The following THADA variants were observed in gnomAD, a reference collection of about 807,000 sequenced individuals.
The protein encoded by THADA is tRNA (32-2'-O)-methyltransferase regulator THADA.
In THADA, 213 loss-of-function variants were observed where a neutral mutation model predicts 219.8. The observed-to-expected ratio is 0.97, with a 90% CI of 0.87 to 1.09. THADA has a LOEUF of 1.09. THADA is among the 50% of genes least tolerant of loss of function. The pLI, the probability that THADA is intolerant of heterozygous loss-of-function variation, is 0.00. For missense variants in THADA, 2,956 were observed against 2,311.3 expected (o/e 1.28, Z -5.72); for synonymous variants, 1,018 against 828.9 (o/e 1.23, Z -3.92).
At chr2:43,397,712 T>C (rs1381641766) in intron 29 of THADA, among the ~76,000 whole-genome samples, 1 of 150,196 alleles carries the variant, frequency 6.7e-6, no homozygotes, top group African/African-American at 2.5e-5. Flanking sequence ...TGAGGCCAAG[T>C]GGGAGAAAGT....
chr2:43,288,904 TTCA>T (rs1242275122), intron 34 of THADA, among the ~76,000 whole-genome samples: 1 of 152,184 alleles, frequency 6.6e-6, no homozygotes, highest in Middle Eastern at 3.2e-3. Flanking sequence ...TCAGAACATT[TTCA>T]TCATCACAAA....
intron 37 of THADA, 118 bp downstream of exon 37, chr2:43,232,595 A>G: frequency 2.6e-6 from 3 of 1,133,392 alleles, no homozygotes; most frequent in Non-Finnish European, 1.3e-6. Flanking sequence ...TGACTTTCCT[A>G]GTGGTTCCTG....
At chr2:43,336,860 TGAGA>T (rs1475943514) in intron 30 of THADA, among the ~76,000 whole-genome samples, 3 of 152,272 alleles carry the variant, frequency 2.0e-5, no homozygotes, top group African/African-American at 4.8e-5. Flanking sequence ...GGTAACCTAA[TGAGA>T]GACGCGGCTG....
rs780486249 is a variant in THADA at position 43,398,096 on chromosome 2, G to A, written c.4102C>T (p.Arg1368Cys). 7 of 1,613,932 alleles carry A rather than the reference G, an allele frequency of 4.3e-6. No individual in the cohort carries two copies. The highest frequency in any genetic ancestry group is 3.3e-5 in the South Asian group (3 of 91,072). The part of the protein sequence containing the change: ...PVYHSREMAA[R>C]ALVPFVMIDH... The stretch of plus-strand genomic sequence containing the variant: ...ATCATAACAAATGGGACCAAGGCAC[G>A]AGCTGCCATTTCACGGGAGTGGTAG... Residue 1368 changes from arginine (R) to cysteine (C), a missense_variant, in exon 29 of 38, where the codon CGT (arginine) becomes TGT (cysteine). Transcript: ENST00000405975.
chr2:43,336,846 C>G (rs886469963), intron 30 of THADA, among the ~76,000 whole-genome samples: 1 of 152,180 alleles, frequency 6.6e-6, no homozygotes, highest in Non-Finnish European at 1.5e-5. Context: ...TCCATGGGAG[C>G]TCAGGTAACC....
intron 26 of THADA, among the ~76,000 whole-genome samples, chr2:43,448,560 CTTTTTTTT>C (rs71410179): frequency 2.9e-5 from 3 of 103,614 alleles, no homozygotes; most frequent in African/African-American, 1.1e-4. Context: ...TTCTTCCTTT[CTTTTTTTT>C]TTTTTTTTTT....
At chr2:43,478,461 T>C (rs1323325520) in intron 26 of THADA, among the ~76,000 whole-genome samples, 1 of 152,200 alleles carries the variant, frequency 6.6e-6, no homozygotes, top group Non-Finnish European at 1.5e-5. Flanking sequence ...ATGAAGACTT[T>C]ATCTCATACT....
At chr2:43,252,757 TC>T (rs1669932596) in intron 36 of THADA, among the ~76,000 whole-genome samples, 1 of 152,122 alleles carries the variant, frequency 6.6e-6, no homozygotes, top group Admixed American at 6.5e-5. Context: ...TCAACAATGT[TC>T]CCTAGCCACC....
At chr2:43,434,093 G>T (rs1369462191) in intron 26 of THADA, among the ~76,000 whole-genome samples, 1 of 152,062 alleles carries the variant, frequency 6.6e-6, no homozygotes, top group African/African-American at 2.4e-5. Context: ...CACCCAGATA[G>T]CTAAAAAAAA....
intron 24 of THADA, among the ~76,000 whole-genome samples, chr2:43,499,970 G>A (rs1001234426): frequency 1.3e-5 from 2 of 151,854 alleles, no homozygotes; most frequent in Non-Finnish European, 2.9e-5. Context: ...ACAACTAAGA[G>A]CATTAACAAA....
At chr2:43,510,559 C>T (rs1690278914) in intron 22 of THADA, among the ~76,000 whole-genome samples, 1 of 151,614 alleles carries the variant, frequency 6.6e-6, no homozygotes, top group Non-Finnish European at 1.5e-5. Context: ...ATATAATCCT[C>T]ACACAGTTGA....
chr2:43,485,234 C>T lies in THADA; in HGVS notation c.3836G>A (p.Arg1279Lys), dbSNP rs1026770658. The T allele has an allele frequency of 1.4e-5, 22 of 1,607,688 alleles. No individual in the cohort carries two copies. Among genetic ancestry groups the T allele is most frequent in the Middle Eastern group, 1.7e-4 (1 of 6,038 alleles). ...RAKDEHSKTN[R>K]MTGREFFSRF... ...AAAGTTAGCCTTAAATGGAGCTTAC[C>T]TATTTGTTTTGGAATGTTCATCCTT... Residue 1279 changes from arginine (R) to lysine (K), a missense_variant and splice_region_variant, in exon 26 of 38, where the codon AGA (arginine) becomes AAA (lysine). Coordinates refer to ENST00000405975, the MANE Select transcript of THADA (RefSeq NM_022065.5).
intron 26 of THADA, among the ~76,000 whole-genome samples, chr2:43,432,169 T>C (rs572363575): frequency 6.6e-6 from 1 of 150,788 alleles, no homozygotes; most frequent in Admixed American, 6.6e-5. Context: ...TTTTTGTACT[T>C]TTATTGGAGA....
chr2:43,250,353 G>T lies in THADA; in HGVS notation c.5297-17471C>A, dbSNP rs137927065. Among the ~76,000 whole-genome samples, 26 of 152,280 alleles carry T rather than the reference G, an allele frequency of 1.7e-4. 1 individual carries two copies. The East Asian group carries it at 3.7e-3, about 21-fold the overall frequency. On this transcript the variant is annotated intron_variant, in intron 36 of 37. Transcript: ENST00000405975. ...TATATGAAAAAACTTAATAGGAAAA[G>T]TCACGGAGACAGAAAGCAGACTGGC...
intron 4 of THADA, among the ~76,000 whole-genome samples, chr2:43,589,223 A>T (rs1373055033): frequency 6.6e-6 from 1 of 152,222 alleles, no homozygotes; most frequent in Non-Finnish European, 1.5e-5. Context: ...GAAGCAACCC[A>T]AATGTCCATT....
intron 9 of THADA, among the ~76,000 whole-genome samples, chr2:43,577,507 T>G (rs1168717560): frequency 6.9e-6 from 1 of 145,410 alleles, no homozygotes; most frequent in South Asian, 2.2e-4. Context: ...GCTTAACAAC[T>G]GCTTTTTTTT....
At chr2:43,500,779 T>C (rs1255014926) in intron 24 of THADA, among the ~76,000 whole-genome samples, 1 of 152,094 alleles carries the variant, frequency 6.6e-6, no homozygotes, top group Non-Finnish European at 1.5e-5. Flanking sequence ...TAAAACAAAC[T>C]TAGCATTATT....
chr2:43,380,612 A>G (rs1298892647), intron 29 of THADA, among the ~76,000 whole-genome samples: 1 of 152,202 alleles, frequency 6.6e-6, no homozygotes, highest in Non-Finnish European at 1.5e-5. Flanking sequence ...ACATATATGT[A>G]TTTCCTAGCT....
intron 30 of THADA, among the ~76,000 whole-genome samples, chr2:43,328,291 G>C (rs1679559260): frequency 1.3e-5 from 2 of 152,210 alleles, no homozygotes; most frequent in African/African-American, 4.8e-5. Context: ...CCAGCTGGCA[G>C]AAGCTTGTAG....
Sources: gnomAD v4.1 joint callset for allele counts (sites outside exome capture counted in the v4.1 genomes callset) on GRCh38, gnomAD v4.1.1 for gene constraint, MANE v1.5 for transcripts, NCBI Gene and HGNC (gene_info 2026-07-23, HGNC 2026-07-21) for gene names.